The following CTTNBP2 variants were observed in gnomAD, a reference collection of about 807,000 sequenced individuals.
The protein encoded by CTTNBP2 is cortactin-binding protein 2.
Under a neutral mutation model 156.9 loss-of-function variants are expected in CTTNBP2, and 108 were observed. The ratio of observed to expected loss-of-function variants is 0.69; its 90% CI spans 0.59 to 0.81. CTTNBP2 has a LOEUF of 0.81. Among genes scored for constraint, CTTNBP2 ranks in the 30% least tolerant of loss-of-function variants. The pLI is 0.00. For synonymous variants in CTTNBP2, 767 were observed against 751.8 expected, an observed-to-expected ratio of 1.02 and a Z score of -0.33; for missense variants, 1,924 against 2,035.4, an observed-to-expected ratio of 0.95 and a Z score of 1.05.
At chr7:117,737,480 A>T (rs767680117) in intron 14 of CTTNBP2, among the ~76,000 whole-genome samples, 1 of 152,352 alleles carries the variant, frequency 6.6e-6, no homozygotes, top group Non-Finnish European at 1.5e-5. Context: ...CTTGCATTTC[A>T]ACAAATGTTT....
At chr7:117,828,882 T>C (rs140086856) in intron 2 of CTTNBP2, among the ~76,000 whole-genome samples, 1 of 152,336 alleles carries the variant, frequency 6.6e-6, no homozygotes, top group East Asian at 1.9e-4. Context: ...GCTAGAAGAA[T>C]GTAAACATGT....
intron 3 of CTTNBP2, among the ~76,000 whole-genome samples, chr7:117,800,375 C>A (rs1047203788): frequency 6.6e-6 from 1 of 151,864 alleles, no homozygotes; most frequent in Non-Finnish European, 1.5e-5. Flanking sequence ...ACTGCAGGAA[C>A]CTTTTTATGT....
intron 8 of CTTNBP2, among the ~76,000 whole-genome samples, chr7:117,774,710 C>G (rs1334283689): frequency 6.7e-6 from 1 of 148,862 alleles, no homozygotes; most frequent in Non-Finnish European, 1.5e-5. Context: ...ATGTTATGTC[C>G]CTTCAAGCTC....
rs776573193 is a variant in CTTNBP2, at chr7:117,791,438, C to A, written c.1758G>T (p.Ser586=). 4.3e-6 allele frequency: 7 copies of A among 1,614,170 alleles called. No homozygotes were observed. The highest frequency in any genetic ancestry group is 2.2e-5 in the East Asian group (1 of 44,872). Residue 586 remains serine (S), a synonymous_variant, in exon 4 of 23, where the codon TCG becomes TCT. Transcript: ENST00000160373. ...GAKVDNKTVA[S]TPSSLPQGNR... ...TCCCTTGTGGCAAACTGGAAGGAGT[C>A]GAAGCCACAGTTTTGTTATCAACTT...
At chr7:117,851,455 TTTAA>T (rs1802925153) in intron 2 of CTTNBP2, among the ~76,000 whole-genome samples, 1 of 152,156 alleles carries the variant, frequency 6.6e-6, no homozygotes, top group African/African-American at 2.4e-5. Flanking sequence ...GGAACCATAC[TTTAA>T]TTAACATCAA....
At chr7:117,760,983 T>C (rs1351633814) in intron 9 of CTTNBP2, among the ~76,000 whole-genome samples, 2 of 152,124 alleles carry the variant, frequency 1.3e-5, no homozygotes, top group East Asian at 1.9e-4. Flanking sequence ...ATCAGCAAGA[T>C]TGTCAAGTTT....
At chr7:117,833,507 G>T (rs1034884231) in intron 2 of CTTNBP2, among the ~76,000 whole-genome samples, 2 of 152,204 alleles carry the variant, frequency 1.3e-5, no homozygotes, top group African/African-American at 4.8e-5. Flanking sequence ...TCATGCCTGT[G>T]TATGTACAGC....
chr7:117,783,082 A>G (rs1162134674), intron 5 of CTTNBP2, 121 bp from the exon 6 acceptor site: 1 of 635,452 alleles, frequency 1.6e-6, no homozygotes, highest in Non-Finnish European at 2.7e-6. Flanking sequence ...AGTTCATCTC[A>G]GAATTCCATC....
chr7:117,802,473 A>G lies in CTTNBP2; in HGVS notation c.414+8292T>C, dbSNP rs1326411507. The stretch of plus-strand genomic sequence containing the variant: ...AAAAAAAAAACAAAAACAAACAAAC[A>G]AAAAAACAAAAAAAAAGTTATGGCT... On this transcript the variant is annotated intron_variant, in intron 3 of 22. Transcript: ENST00000160373. Among the ~76,000 whole-genome samples, 12 of 151,014 alleles carry G rather than the reference A, an allele frequency of 7.9e-5. No homozygotes were observed. The South Asian group carries it at 2.1e-3, about 26-fold the overall frequency.
intron 12 of CTTNBP2, among the ~76,000 whole-genome samples, chr7:117,754,137 C>A (rs1443243840): frequency 1.3e-5 from 2 of 152,204 alleles, no homozygotes; most frequent in Non-Finnish European, 2.9e-5. Context: ...CCAGACTTCA[C>A]TGTCAACCTA....
chr7:117,741,672 A>G (rs560886971), intron 14 of CTTNBP2, among the ~76,000 whole-genome samples: 1 of 152,272 alleles, frequency 6.6e-6, no homozygotes, highest in Non-Finnish European at 1.5e-5. Flanking sequence ...TCCTTCTTTA[A>G]CCTAGAGTGG....
chr7:117,728,295 G>A lies in CTTNBP2; in HGVS notation c.3877-28C>T, dbSNP rs533532768. The A allele has an allele frequency of 3.2e-6, 5 of 1,562,494 alleles. No homozygotes were observed. The Admixed American group carries it at 9.7e-5, about 30-fold the overall frequency. Reference sequence around the variant, plus strand: ...AGAGAGACAGGGAGGTGGAACCCAGGGGCTTGGTTTAGAACATTTTGTTTT... The same window carrying A: ...AGAGAGACAGGGAGGTGGAACCCAGAGGCTTGGTTTAGAACATTTTGTTTT... On this transcript the variant is annotated intron_variant, in intron 16 of 22. Transcript: ENST00000160373.
At position 117,776,519 on chromosome 7, in the gene CTTNBP2, A is replaced by G. The variant is rs192321482; in HGVS notation, c.2778+992T>C. ...TTTCTCACTACTCTCCATTACCCCA[A>G]TTAACAGGGACCTGTTATCCACCTC... On this transcript the variant is annotated intron_variant, in intron 8 of 22. Coordinates refer to ENST00000160373, the MANE Select transcript of CTTNBP2 (RefSeq NM_033427.3). Among the ~76,000 whole-genome samples, 1,133 of 152,200 alleles carry G rather than the reference A, an allele frequency of 7.4e-3. 23 individuals carry two copies. Among genetic ancestry groups the G allele is most frequent in the Non-Finnish European group, 7.0e-3 (475 of 68,018 alleles).
intron 14 of CTTNBP2, among the ~76,000 whole-genome samples, chr7:117,740,853 CTTG>C (rs1179847060): frequency 6.6e-6 from 1 of 152,132 alleles, no homozygotes; most frequent in Non-Finnish European, 1.5e-5. Flanking sequence ...CTCTGGTGTC[CTTG>C]TTGATTCTAA....
At chr7:117,713,800 T>C (rs1562942558) in intron 22 of CTTNBP2, 3 of 152,200 alleles carry the variant, frequency 2.0e-5, no homozygotes, top group Admixed American at 2.0e-4. Flanking sequence ...ACTCAGCTAA[T>C]CTTAAGTGGA....
chr7:117,771,794 C>T (rs1295418055), intron 8 of CTTNBP2, among the ~76,000 whole-genome samples: 3 of 152,166 alleles, frequency 2.0e-5, no homozygotes, highest in Non-Finnish European at 4.4e-5. Context: ...AGCATGCAAA[C>T]AGTTACAATA....
At chr7:117,757,115 C>T (rs1324157457) in intron 11 of CTTNBP2, among the ~76,000 whole-genome samples, 1 of 152,190 alleles carries the variant, frequency 6.6e-6, no homozygotes, top group Non-Finnish European at 1.5e-5. Flanking sequence ...TTGTTTGGGC[C>T]TAAAGCAATT....
chr7:117,720,491 C>T (rs920717733), intron 20 of CTTNBP2, among the ~76,000 whole-genome samples: 6 of 152,138 alleles, frequency 3.9e-5, no homozygotes, highest in South Asian at 2.1e-4. Context: ...GTCAGGAGTT[C>T]GAAACCAGCC....
chr7:117,803,028 G>C (rs1450259957), intron 3 of CTTNBP2, among the ~76,000 whole-genome samples: 1 of 152,242 alleles, frequency 6.6e-6, no homozygotes, highest in South Asian at 2.1e-4. Context: ...CCATAACTGG[G>C]TATACACCCA....
Sources: gnomAD v4.1 joint callset for allele counts (sites outside exome capture counted in the v4.1 genomes callset) on GRCh38, gnomAD v4.1.1 for gene constraint, MANE v1.5 for transcripts, NCBI Gene and HGNC (gene_info 2026-07-23, HGNC 2026-07-21) for gene names.